SLC24A2: variants seen among roughly 807,000 people sequenced by gnomAD.
SLC24A2 encodes solute carrier family 24 member 2, also known as sodium/potassium/calcium exchanger 2.
SLC24A2 carries 36 observed loss-of-function variants against 62.0 expected under a neutral mutation model. The observed-to-expected ratio is 0.58, with a 90% CI of 0.44 to 0.77. SLC24A2 has a LOEUF of 0.77. Ranked by LOEUF, SLC24A2 falls within the 30% of genes least tolerant of loss-of-function variation. SLC24A2 has a pLI of 0.00. For synonymous variants in SLC24A2, 358 were observed against 294.0 expected (o/e 1.22, Z -2.23); for missense variants, 846 against 817.9 (o/e 1.03, Z -0.42).
the SLC24A2 span, among the ~76,000 whole-genome samples, chr9:19,864,639 C>G: frequency 6.6e-6 from 1 of 151,888 alleles, no homozygotes; most frequent in Admixed American, 6.6e-5. Flanking sequence ...ATTCAACATC[C>G]CTTCATGATA....
chr9:20,059,632 G>T, the SLC24A2 span, among the ~76,000 whole-genome samples: 338 of 152,214 alleles, frequency 2.2e-3, 2 homozygotes, highest in African/African-American at 7.6e-3. Flanking sequence ...CAAAACTTAG[G>T]AGATGCAGTA....
chr9:19,726,897 T>A (rs1164422683), intron 2 of SLC24A2, among the ~76,000 whole-genome samples: 1 of 152,166 alleles, frequency 6.6e-6, no homozygotes, highest in Non-Finnish European at 1.5e-5. Flanking sequence ...TGCTCCTGGG[T>A]ACATTTTGTT....
intron 9 of SLC24A2, among the ~76,000 whole-genome samples, chr9:19,525,570 A>C (rs1342893892): frequency 6.6e-6 from 1 of 150,596 alleles, no homozygotes; most frequent in African/African-American, 2.4e-5. Context: ...TGGCCAGCTA[A>C]TTTTTTGTAT....
At chr9:19,526,155 T>C (rs1833438716) in intron 9 of SLC24A2, among the ~76,000 whole-genome samples, 1 of 152,202 alleles carries the variant, frequency 6.6e-6, no homozygotes, top group Admixed American at 6.5e-5. Flanking sequence ...ATTTTCGAAT[T>C]TCACTCATGT....
the SLC24A2 span, among the ~76,000 whole-genome samples, chr9:20,235,477 G>A: frequency 7.2e-5 from 11 of 152,322 alleles, no homozygotes; most frequent in South Asian, 1.5e-3. Context: ...GTTTGATCTC[G>A]GATTGCTGTG....
chr9:19,552,552 C>T (rs1056734491), intron 7 of SLC24A2, among the ~76,000 whole-genome samples: 2 of 152,094 alleles, frequency 1.3e-5, no homozygotes, highest in Non-Finnish European at 2.9e-5. Context: ...GTCAGCTTCC[C>T]TGAAGACCCA....
At chr9:20,010,959 A>T in the SLC24A2 span, among the ~76,000 whole-genome samples, 1 of 151,976 alleles carries the variant, frequency 6.6e-6, no homozygotes, top group African/African-American at 2.4e-5. Flanking sequence ...TTATGGCTGC[A>T]TGGTATTCCA....
At chr9:19,567,621 C>T (rs1228866470) in intron 7 of SLC24A2, among the ~76,000 whole-genome samples, 7 of 144,982 alleles carry the variant, frequency 4.8e-5, no homozygotes, top group African/African-American at 1.3e-4. Flanking sequence ...CAACTACAAA[C>T]GTCATAATGT....
chr9:20,000,950 A>T, the SLC24A2 span, among the ~76,000 whole-genome samples: 2 of 152,226 alleles, frequency 1.3e-5, no homozygotes, highest in Non-Finnish European at 2.9e-5. Flanking sequence ...TAGAAGGGTC[A>T]TCTGACCCTA....
At chr9:20,078,835 A>G in the SLC24A2 span, among the ~76,000 whole-genome samples, 7 of 152,230 alleles carry the variant, frequency 4.6e-5, no homozygotes, top group African/African-American at 1.7e-4. Flanking sequence ...AATACTTAGG[A>G]AGAAAAAGGG....
the SLC24A2 span, among the ~76,000 whole-genome samples, chr9:20,278,265 G>C: frequency 5.9e-5 from 9 of 151,980 alleles, no homozygotes; most frequent in Non-Finnish European, 1.0e-4. Flanking sequence ...AAAAGAAAAT[G>C]GGTTTTTCTT....
At chr9:19,939,097 T>C in the SLC24A2 span, among the ~76,000 whole-genome samples, 5 of 152,252 alleles carry the variant, frequency 3.3e-5, no homozygotes, top group Non-Finnish European at 7.3e-5. Flanking sequence ...ATATCTGTCT[T>C]CTTCTAGTAG....
upstream of SLC24A2, among the ~76,000 whole-genome samples, chr9:19,790,679 T>C (rs1823307331): frequency 6.6e-6 from 1 of 152,230 alleles, no homozygotes; most frequent in African/African-American, 2.4e-5. Context: ...AAAACTGTTT[T>C]AGGAAAAGGA....
chr9:19,555,347 C>A lies in SLC24A2; in HGVS notation c.1348-5079G>T, dbSNP rs116312084. Among the ~76,000 whole-genome samples the A allele has an allele frequency of 9.8e-3, 1,496 of 152,238 alleles. 26 individuals are homozygous for A. Among genetic ancestry groups the A allele is most frequent in the African/African-American group, 0.035 (1,439 of 41,540 alleles). ...GAGAAACTGAAAAATCTTAGAAATA[C>A]TATGAGTCATGTAATCGATAAGATT... On this transcript the variant is annotated intron_variant, in intron 7 of 10. Transcript: ENST00000341998.
intron 4 of SLC24A2, among the ~76,000 whole-genome samples, chr9:19,600,279 G>A (rs1393921687): frequency 6.6e-6 from 1 of 152,196 alleles, no homozygotes; most frequent in African/African-American, 2.4e-5. Flanking sequence ...TGGAGCCCAC[G>A]TTACTGAGAT....
At chr9:19,546,646 C>T (rs1455517560) in intron 8 of SLC24A2, among the ~76,000 whole-genome samples, 2 of 152,092 alleles carry the variant, frequency 1.3e-5, no homozygotes, top group African/African-American at 4.8e-5. Context: ...ACCCACCAAG[C>T]CAGACCACTT....
At chr9:20,174,679 A>C in the SLC24A2 span, among the ~76,000 whole-genome samples, 1 of 152,076 alleles carries the variant, frequency 6.6e-6, no homozygotes, top group Non-Finnish European at 1.5e-5. Context: ...AAGAATGGCC[A>C]TAAACAAAAA....
At chr9:19,601,827 A>T (rs1050618086) in intron 4 of SLC24A2, among the ~76,000 whole-genome samples, 2 of 152,220 alleles carry the variant, frequency 1.3e-5, no homozygotes, top group African/African-American at 4.8e-5. Context: ...ACACTTATGC[A>T]AATGAGAAAA....
the SLC24A2 span, among the ~76,000 whole-genome samples, chr9:20,232,336 T>G: frequency 1.3e-5 from 2 of 152,352 alleles, no homozygotes; most frequent in Admixed American, 6.5e-5. Context: ...GTACCTCTGG[T>G]AGAATTCGGC....
Sources: gnomAD v4.1 joint callset for allele counts (sites outside exome capture counted in the v4.1 genomes callset) on GRCh38, gnomAD v4.1.1 for gene constraint, MANE v1.5 for transcripts, NCBI Gene and HGNC (gene_info 2026-07-23, HGNC 2026-07-21) for gene names.